The following ATP8B4 variants were observed in gnomAD, a reference collection of about 807,000 sequenced individuals.
ATP8B4 encodes probable phospholipid-transporting ATPase IM.
In ATP8B4, 133 loss-of-function variants were observed where a neutral mutation model predicts 145.6. The ratio of observed to expected loss-of-function variants is 0.91; its 90% CI spans 0.79 to 1.05. The LOEUF (loss-of-function observed/expected upper bound fraction) is 1.05. Ranked by LOEUF, ATP8B4 falls within the 50% of genes least tolerant of loss-of-function variation. The pLI, the probability that ATP8B4 is intolerant of heterozygous loss-of-function variation, is 0.00. For synonymous variants in ATP8B4, 507 were observed against 492.9 expected, an observed-to-expected ratio of 1.03 and a Z score of -0.38; for missense variants, 1,458 against 1,425.2, an observed-to-expected ratio of 1.02 and a Z score of -0.37.
At chr15:50,006,724 TG>T (rs1420455654) in intron 7 of ATP8B4, among the ~76,000 whole-genome samples, 2 of 152,168 alleles carry the variant, frequency 1.3e-5, no homozygotes, top group African/African-American at 4.8e-5. Flanking sequence ...AATGCCTTTT[TG>T]TGAAGGGAAA....
chr15:50,050,413 T>C (rs1376363969), intron 3 of ATP8B4, among the ~76,000 whole-genome samples: 1 of 152,224 alleles, frequency 6.6e-6, no homozygotes, highest in Non-Finnish European at 1.5e-5. Flanking sequence ...TATTAAATCA[T>C]CTTTCCCTTT....
chr15:49,973,166 G>A (rs765897072), intron 12 of ATP8B4, among the ~76,000 whole-genome samples: 2 of 152,174 alleles, frequency 1.3e-5, no homozygotes, highest in African/African-American at 2.4e-5. Context: ...TGTGGAGGAC[G>A]CTTTTCCACA....
chr15:50,112,774 A>G (rs971042303), intron 1 of ATP8B4, among the ~76,000 whole-genome samples: 1 of 151,720 alleles, frequency 6.6e-6, no homozygotes, highest in Non-Finnish European at 1.5e-5. Context: ...TGTTCCCTCC[A>G]TCTCATTTCC....
chr15:49,957,072 C>T (rs997470185), intron 14 of ATP8B4, among the ~76,000 whole-genome samples: 1 of 151,778 alleles, frequency 6.6e-6, no homozygotes, highest in Non-Finnish European at 1.5e-5. Context: ...ATTGGGAGAA[C>T]ATGTTGATTT....
chr15:50,092,092 A>G (rs867731625), intron 2 of ATP8B4, among the ~76,000 whole-genome samples: 2 of 152,156 alleles, frequency 1.3e-5, no homozygotes, highest in Non-Finnish European at 2.9e-5. Flanking sequence ...TAGAGTTCAG[A>G]GCCTAGCAGG....
At chr15:50,015,799 A>G (rs148801700) in intron 6 of ATP8B4, among the ~76,000 whole-genome samples, 80 of 152,326 alleles carry the variant, frequency 5.3e-4, no homozygotes, top group African/African-American at 1.8e-3. Context: ...TAACGCTCAT[A>G]TCTTTGGAAT....
intron 25 of ATP8B4, 112 bp downstream of exon 25, chr15:49,876,166 C>T: frequency 2.2e-6 from 3 of 1,388,224 alleles, no homozygotes; most frequent in Non-Finnish European, 2.9e-6. Flanking sequence ...AAGGACAGCC[C>T]CAGTATTCCT....
chr15:50,158,802 TACCCCCA>T lies in ATP8B4; in HGVS notation c.-43+23452_-43+23458del, dbSNP rs371599234. Among the ~76,000 whole-genome samples, 252 of 152,334 alleles carry T rather than the reference TACCCCCA, an allele frequency of 1.7e-3. 3 individuals carry two copies. The East Asian group carries it at 0.018, about 11-fold the overall frequency. On this transcript the variant is annotated intron_variant, in intron 1 of 3. Transcript: ENST00000558829. ...TTGGGACCCTGTTGATCTATGACCT[TACCCCCA>T]ACCCTGTGCTCTCTGAAACATGTGC...
At chr15:50,124,077 A>G (rs1345544925), upstream of ATP8B4, among the ~76,000 whole-genome samples, 1 of 152,060 alleles carries the variant, frequency 6.6e-6, no homozygotes, top group African/African-American at 2.4e-5. Context: ...ATTGAAACCA[A>G]TTTGCCTCCC....
At position 49,859,931 on chromosome 15, in the gene ATP8B4, AT is replaced by A; in HGVS notation, c.*262del. The A allele has an allele frequency of 7.2e-6, 3 of 415,126 alleles. No individual in the cohort carries two copies. The highest frequency in any genetic ancestry group is 2.2e-5 in the African/African-American group (1 of 44,534). The allele number at this position is 415,126 out of a possible 1,614,324, so 25.7% of individuals were successfully genotyped here. ...TTCAGGTCAATTGGTATCTAGGTTG[AT>A]TTAAAAAAAAAAAAAATCTGTACTT... On this transcript the variant is annotated 3_prime_UTR_variant, in exon 28 of 28. Transcript: ENST00000284509.
chr15:49,996,785 A>ATT, intron 8 of ATP8B4, 26 bp from the exon 9 acceptor site: 3 of 1,581,206 alleles, frequency 1.9e-6, no homozygotes, highest in Non-Finnish European at 2.6e-6. Flanking sequence ...CATGACATGA[A>ATT]TTTTTATATG....
At chr15:49,960,425 A>G (rs2043966576) in intron 14 of ATP8B4, among the ~76,000 whole-genome samples, 1 of 152,210 alleles carries the variant, frequency 6.6e-6, no homozygotes, top group South Asian at 2.1e-4. Context: ...TAGGCATGCT[A>G]TAAAAGTAAT....
At chr15:50,049,326 C>T (rs116993271) in intron 3 of ATP8B4, among the ~76,000 whole-genome samples, 2,730 of 152,274 alleles carry the variant, frequency 0.018, 49 homozygotes, top group Non-Finnish European at 0.026. Context: ...TAGTAATCCC[C>T]AATGTCTATT....
chr15:50,070,874 G>A (rs1381041089), intron 3 of ATP8B4, among the ~76,000 whole-genome samples: 2 of 151,972 alleles, frequency 1.3e-5, no homozygotes, highest in African/African-American at 4.8e-5. Context: ...TTGTGTAGCT[G>A]GACTACACAC....
chr15:50,098,000 A>G (rs1225147058), intron 2 of ATP8B4, among the ~76,000 whole-genome samples: 1 of 152,204 alleles, frequency 6.6e-6, no homozygotes, highest in Non-Finnish European at 1.5e-5. Flanking sequence ...AATGCCTGGT[A>G]AGTAGAACCA....
intron 1 of ATP8B4, among the ~76,000 whole-genome samples, chr15:50,131,543 C>T (rs1595631429): frequency 6.6e-6 from 1 of 152,122 alleles, no homozygotes; most frequent in South Asian, 2.1e-4. Flanking sequence ...AATGTTTCAT[C>T]CCCAAGGAAC....
intron 25 of ATP8B4, among the ~76,000 whole-genome samples, chr15:49,872,047 G>A (rs915171493): frequency 2.6e-5 from 4 of 152,240 alleles, no homozygotes; most frequent in Admixed American, 1.3e-4. Flanking sequence ...TAAAGTACAC[G>A]ACTTTCTGTC....
intron 17 of ATP8B4, among the ~76,000 whole-genome samples, chr15:49,921,813 C>T (rs1305276890): frequency 1.3e-5 from 2 of 152,206 alleles, no homozygotes; most frequent in Admixed American, 6.5e-5. Context: ...GGTAGCACTT[C>T]GGATATTGGA....
intron 6 of ATP8B4, among the ~76,000 whole-genome samples, chr15:50,031,212 G>A (rs1001018483): frequency 2.0e-5 from 3 of 152,090 alleles, no homozygotes; most frequent in African/African-American, 7.2e-5. Flanking sequence ...CCATAAAAGT[G>A]TGTTTTATTA....
Sources: allele counts gnomAD v4.1 joint callset (sites outside exome capture counted in the v4.1 genomes callset), GRCh38; gene constraint gnomAD v4.1.1; transcripts MANE v1.5; gene names NCBI Gene and HGNC (gene_info 2026-07-23, HGNC 2026-07-21).